The following ITIH1 variants were observed in gnomAD, a reference collection of about 807,000 sequenced individuals.
ITIH1 encodes the protein inter-alpha-trypsin inhibitor heavy chain H1.
A neutral mutation model predicts 104.6 loss-of-function variants in ITIH1; 94 were observed. The ratio of observed to expected loss-of-function variants is 0.90; its 90% CI spans 0.76 to 1.07. ITIH1 has a LOEUF of 1.07. ITIH1 is among the 50% of genes least tolerant of loss of function. ITIH1 has a pLI of 0.00. For synonymous variants in ITIH1, 455 were observed against 464.4 expected, an observed-to-expected ratio of 0.98 and a Z score of 0.26; for missense variants, 1,193 against 1,181.4, an observed-to-expected ratio of 1.01 and a Z score of -0.14.
chr3:52,783,043 G>A lies in ITIH1; in HGVS notation c.1017G>A (p.Ser339=), dbSNP rs766593334. 14 of 1,614,076 alleles carry A rather than the reference G, an allele frequency of 8.7e-6. No individual in the cohort carries two copies. Among genetic ancestry groups the A allele is most frequent in the African/African-American group, 1.3e-5 (1 of 74,998 alleles). Residue 339 remains serine, a synonymous_variant, in exon 9 of 22, where the codon TCG becomes TCA. Coordinates refer to ENST00000273283, the MANE Select transcript of ITIH1 (RefSeq NM_002215.4). ...TTCTTTTTGGGACTCGAGTACAATC[G>A]TGGAAGGGCTCGCTGGTGCAAGCAT... The part of the protein sequence containing the change: ...DLVLFGTRVQ[S]WKGSLVQASE...
At position 52,777,983 on chromosome 3, in the gene ITIH1, A is replaced by G. The variant is rs773648281; in HGVS notation, c.118-14A>G. The G allele has an allele frequency of 3.7e-6, 6 of 1,614,128 alleles. No individual in the cohort carries two copies. The South Asian group carries it at 5.5e-5, about 15-fold the overall frequency. On this transcript the variant is annotated splice_polypyrimidine_tract_variant and intron_variant, in intron 1 of 21. Coordinates refer to ENST00000273283, the MANE Select transcript of ITIH1 (RefSeq NM_002215.4). Reference sequence around the variant, plus strand: ...AGTTTTCCTCTCACACTTGACCCTGATTTTGTTTTGCAGAAGCGACAGGCT... The same window carrying G: ...AGTTTTCCTCTCACACTTGACCCTGGTTTTGTTTTGCAGAAGCGACAGGCT...
chr3:52,781,821 G>A (rs930746058), intron 6 of ITIH1, 119 bp from the exon 7 acceptor site: 25 of 1,357,446 alleles, frequency 1.8e-5, no homozygotes, highest in African/African-American at 1.6e-4. Flanking sequence ...CACCGAACTC[G>A]TTTCTCTGTC....
intron 10 of ITIH1, among the ~76,000 whole-genome samples, 178 bp from the exon 11 acceptor site, chr3:52,784,118 G>T (rs1213035189): frequency 6.6e-6 from 1 of 152,126 alleles, no homozygotes; most frequent in African/African-American, 2.4e-5. Flanking sequence ...AGGAGCTGTT[G>T]ATAGCTGCTG....
In ITIH1 at chr3:52,782,821, C is replaced by T. The variant is rs140168605; in HGVS notation, c.931-136C>T. 7.0e-3 allele frequency: 5,829 copies of T among 826,846 alleles called. 34 individuals carry two copies. Among genetic ancestry groups the T allele is most frequent in the Non-Finnish European group, 8.3e-3 (4,383 of 525,338 alleles). The allele number at this position is 826,846 out of a possible 1,614,324, so 51.2% of individuals were successfully genotyped here. On this transcript the variant is annotated intron_variant, in intron 8 of 21. Transcript: ENST00000273283. ...AAGGCCCGGCAGGATGCTCCTGTCT[C>T]GGGGCCACCTGGTTGTCCTATCTCC...
intron 12 of ITIH1, among the ~76,000 whole-genome samples, chr3:52,785,796 C>T (rs962719265): frequency 6.6e-6 from 1 of 152,220 alleles, no homozygotes; most frequent in African/African-American, 2.4e-5. Flanking sequence ...CCCTAGGCCT[C>T]AGTTTCCTTT....
chr3:52,786,245 G>A (rs768060006), intron 12 of ITIH1, 50 bp from the exon 13 acceptor site: 2 of 1,544,320 alleles, frequency 1.3e-6, no homozygotes, highest in Non-Finnish European at 1.8e-6. Flanking sequence ...CACCAGCCAG[G>A]GGCCGTGCTT....
Position 52,783,027 on chromosome 3 carries a change from G to A in ITIH1, c.1001G>A (p.Gly334Glu), listed in dbSNP as rs2154108371. ...PGDYFDLVLF[G>E]TRVQSWKGSL... is the part of the protein sequence containing the mutation. Reference sequence around the variant, plus strand: ...GACTACTTTGACCTGGTTCTTTTTGGGACTCGAGTACAATCGTGGAAGGGC... The same window carrying A: ...GACTACTTTGACCTGGTTCTTTTTGAGACTCGAGTACAATCGTGGAAGGGC... Residue 334 changes from glycine to glutamate, a missense_variant, in exon 9 of 22, where the codon GGG (glycine) becomes GAG (glutamate). Transcript: ENST00000273283. 1 of 1,613,990 alleles carries A rather than the reference G, an allele frequency of 6.2e-7. No homozygotes were observed. The highest frequency in any genetic ancestry group is 8.5e-7 in the Non-Finnish European group (1 of 1,179,996).
At chr3:52,781,277 CTT>C (rs1559461436) in intron 6 of ITIH1, among the ~76,000 whole-genome samples, 9 of 139,336 alleles carry the variant, frequency 6.5e-5, no homozygotes, top group Admixed American at 3.8e-4. Context: ...TCTTCTTCTT[CTT>C]CTTCTTCCTC....
At position 52,789,663 on chromosome 3, in the gene ITIH1, G is replaced by A. The variant is rs748150622; in HGVS notation, c.2130G>A (p.Val710=). The change falls in exon 19 of 22, where the codon GTG becomes GTA. Residue 710 remains valine (V), a synonymous_variant. Transcript: ENST00000273283. ...CTTGCTCCATTGCAGGCTTCTCAGT[G>A]AATGGACAGCTCATTGGCAACAAGG... ...LVQDPNTGFS[V]NGQLIGNKAR... 6.2e-7 allele frequency: 1 copy of A among 1,614,132 alleles called. No homozygotes were observed. Among genetic ancestry groups the A allele is most frequent in the South Asian group, 1.1e-5 (1 of 91,070 alleles).
At chr3:52,780,138 G>A in intron 5 of ITIH1, 131 bp from the exon 6 acceptor site, 2 of 931,476 alleles carry the variant, frequency 2.1e-6, no homozygotes, top group Non-Finnish European at 3.2e-6. Flanking sequence ...TGTGGTGTGA[G>A]CCTATAATCC....
Position 52,789,650 on chromosome 3 carries a change from C to A in ITIH1, c.2120-3C>A, listed in dbSNP as rs1344345118. Reference sequence around the variant, plus strand: ...ACCCGGATGCCCTCTTGCTCCATTGCAGGCTTCTCAGTGAATGGACAGCTC... The same window carrying A: ...ACCCGGATGCCCTCTTGCTCCATTGAAGGCTTCTCAGTGAATGGACAGCTC... On this transcript the variant is annotated splice_region_variant and splice_polypyrimidine_tract_variant and intron_variant, in intron 18 of 21. Coordinates refer to ENST00000273283, the MANE Select transcript of ITIH1 (RefSeq NM_002215.4). 2 of 1,613,952 alleles carry A rather than the reference C, an allele frequency of 1.2e-6. No individual in the cohort carries two copies. The highest frequency in any genetic ancestry group is 8.5e-7 in the Non-Finnish European group (1 of 1,179,874).
chr3:52,783,419 C>T (rs756013769), intron 10 of ITIH1, 80 bp downstream of exon 10: 1 of 1,494,494 alleles, frequency 6.7e-7, no homozygotes, highest in Admixed American at 1.9e-5. Flanking sequence ...GGAAACCCAA[C>T]CATTGGAGAT....
chr3:52,787,641 A>G (rs747908537), intron 16 of ITIH1, 29 bp downstream of exon 16: 3 of 1,612,356 alleles, frequency 1.9e-6, no homozygotes, highest in South Asian at 1.1e-5. Context: ...GGCCATTCAC[A>G]TCTCTACCCC....
rs1386731892 is a variant in ITIH1 at position 52,791,856 on chromosome 3, G to C, written c.2681G>C (p.Gly894Ala). 1 of 1,614,192 alleles carries C rather than the reference G, an allele frequency of 6.2e-7. No homozygotes were observed. Among genetic ancestry groups the C allele is most frequent in the Admixed American group, 1.7e-5 (1 of 60,030 alleles). ...EVSCWFIHNNGAGLIDGAYTD... is the reference protein window; with the variant it reads ...EVSCWFIHNNAAGLIDGAYTD... ...TCCTGCTGGTTCATTCACAACAATG[G>C]GGCTGGACTCATCGATGGTGCCTAC... Residue 894 changes from glycine to alanine, a missense_variant, in exon 22 of 22, where the codon GGG (glycine) becomes GCG (alanine). By Grantham distance (60) the Gly-to-Ala change is moderately conservative (BLOSUM62 0). Transcript: ENST00000273283.
At chr3:52,786,823 C>A (rs1699214663) in intron 13 of ITIH1, 122 bp from the exon 14 acceptor site, 2 of 1,180,734 alleles carry the variant, frequency 1.7e-6, no homozygotes, top group East Asian at 2.5e-5. Flanking sequence ...ACCATGGGGG[C>A]TTAATACTTA....
At chr3:52,790,654 TG>T in intron 19 of ITIH1, 94 bp from the exon 20 acceptor site, 2 of 1,258,974 alleles carry the variant, frequency 1.6e-6, no homozygotes, top group Non-Finnish European at 2.3e-6. Context: ...GGTGGGGGCG[TG>T]GTCATAAGGG....
At position 52,780,305 on chromosome 3, in the gene ITIH1, A is replaced by G. The variant is rs1699001358; in HGVS notation, c.610A>G (p.Lys204Glu). ...VDIFEPQGIS[K>E]LDAQASFLPK... ...CATCTTCGAGCCCCAGGGGATCAGC[A>G]AGCTGGATGCCCAGGCCTCTTTCCT... Residue 204 changes from lysine to glutamate, a missense_variant, in exon 6 of 22, where the codon AAG becomes GAG. Coordinates refer to ENST00000273283, the MANE Select transcript of ITIH1 (RefSeq NM_002215.4). 1.2e-6 allele frequency: 2 copies of G among 1,614,000 alleles called. No homozygotes were observed. The highest frequency in any genetic ancestry group is 1.7e-6 in the Non-Finnish European group (2 of 1,179,974).
At chr3:52,780,433 C>A in intron 6 of ITIH1, 51 bp downstream of exon 6, 1 of 1,227,502 alleles carries the variant, frequency 8.1e-7, no homozygotes, top group Non-Finnish European at 1.2e-6. Context: ...GACTTCTCAG[C>A]CTGCCCACCC....
At chr3:52,786,783 GC>G (rs899887736) in intron 13 of ITIH1, among the ~76,000 whole-genome samples, 161 bp from the exon 14 acceptor site, 1 of 152,212 alleles carries the variant, frequency 6.6e-6, no homozygotes, top group African/African-American at 2.4e-5. Flanking sequence ...AAACCTGGAG[GC>G]CCCTGAGGAT....
Sources: gnomAD v4.1 joint callset for allele counts (sites outside exome capture counted in the v4.1 genomes callset) on GRCh38, gnomAD v4.1.1 for gene constraint, MANE v1.5 for transcripts, NCBI Gene and HGNC (gene_info 2026-07-23, HGNC 2026-07-21) for gene names.